MYO15B: variants seen among roughly 807,000 people sequenced by gnomAD.
MYO15B encodes the protein myosin XVB pseudogene.
In MYO15B, 207 loss-of-function variants were observed where a neutral mutation model predicts 119.3. That is an observed-to-expected ratio of 1.73 (90% CI 1.55 to 1.95). The LOEUF (loss-of-function observed/expected upper bound fraction) is 1.95. MYO15B is among the 30% of genes most tolerant of loss of function. MYO15B has a pLI of 0.00. For missense variants in MYO15B, 2,264 were observed against 1,203.1 expected (o/e 1.88, Z -13.04); for synonymous variants, 966 against 498.9 (o/e 1.94, Z -12.48).
intron 18 of MYO15B, 52 bp downstream of exon 18, chr17:75,603,129 TC>T: frequency 5.7e-6 from 4 of 702,714 alleles, no homozygotes. Context: ...TGCACCTCCC[TC>T]CCCACAGCTC....
At position 75,611,605 on chromosome 17, in the gene MYO15B, T is replaced by TG. The variant is rs1390157326; in HGVS notation, c.4455dup (p.Arg1486AlafsTer7). 3 of 702,606 alleles carry TG rather than the reference T, an allele frequency of 4.3e-6. No homozygotes were observed. The African/African-American group carries it at 5.2e-5, about 12-fold the overall frequency. 43.5% of individuals were successfully genotyped at this position (702,606 alleles called of 1,614,324 possible). A position where few individuals can be genotyped will look rare whatever the true frequency, so the allele number is the denominator to read the frequency against. On this transcript the variant is annotated frameshift_variant, in exon 24 of 64. Transcript: ENST00000645453. LOFTEE classifies it high-confidence loss of function. ...TAAATGAGTCCCCTCTGCCAGGAGC[T>TG]GGGGCGCTTGGAGATCCCGGCTGAG...
At position 75,618,260 on chromosome 17, in the gene MYO15B, G is replaced by A. The variant is rs1297209341; in HGVS notation, c.6987+75G>A. ...CTTCGTGCCCTTTGTCTAATGGCTG[G>A]GCCAGGTTAACACCACGTAGGGCAT... is the stretch of plus-strand genomic sequence containing the variant. On this transcript the variant is annotated intron_variant, in intron 43 of 63. Transcript: ENST00000645453. The A allele has an allele frequency of 7.2e-6, 5 of 697,672 alleles. No individual in the cohort carries two copies. In the Admixed American group the frequency reaches 1.0e-4, roughly 14 times the overall value. 43.2% of individuals were successfully genotyped at this position (697,672 alleles called of 1,614,324 possible). A position where few individuals can be genotyped will look rare whatever the true frequency, so the allele number is the denominator to read the frequency against.
In MYO15B at chr17:75,616,438, CAA is replaced by C. The variant is rs1347719889; in HGVS notation, c.6237_6238del (p.Arg2080SerfsTer27). The C allele has an allele frequency of 8.7e-5, 55 of 635,662 alleles. No individual in the cohort carries two copies. Among genetic ancestry groups the C allele is most frequent in the Admixed American group, 6.5e-4 (26 of 39,876 alleles). The allele number at this position is 635,662 out of a possible 1,614,324, so 39.4% of individuals were successfully genotyped here. A position where few individuals can be genotyped will look rare whatever the true frequency, so the allele number is the denominator to read the frequency against. On this transcript the variant is annotated frameshift_variant, in exon 38 of 64. Transcript: ENST00000645453. LOFTEE classifies it high-confidence loss of function. Reference sequence around the variant, plus strand: ...GAGCAGGAGGAGCAAGAAGTGGAAACAAGAGCAGGTTGTGGGGAGCTGGGCAG... The same window carrying C: ...GAGCAGGAGGAGCAAGAAGTGGAAACGAGCAGGTTGTGGGGAGCTGGGCAG...
At position 75,611,776 on chromosome 17, in the gene MYO15B, TG is replaced by T. The variant is rs1332094695; in HGVS notation, c.4505-107del. ...TCCAGACTCCCCTGAGCTCATCACT[TG>T]GGTCCCTGTGGACAGGGGCTGATGG... On this transcript the variant is annotated intron_variant, in intron 24 of 63. Coordinates refer to ENST00000645453, the Ensembl canonical transcript of MYO15B. The T allele has an allele frequency of 4.3e-6, 3 of 692,906 alleles. No homozygotes were observed. In the African/African-American group the frequency reaches 5.3e-5, roughly 12 times the overall value. 42.9% of individuals were successfully genotyped at this position (692,906 alleles called of 1,614,324 possible). A position where few individuals can be genotyped will look rare whatever the true frequency, so the allele number is the denominator to read the frequency against.
Position 75,625,189 on chromosome 17 carries a change from CTGGCCGCCCTGCAGCA to C in MYO15B, c.8756_8771del (p.Leu2919ProfsTer16). 1 of 702,610 alleles carries C rather than the reference CTGGCCGCCCTGCAGCA, an allele frequency of 1.4e-6. No individual in the cohort carries two copies. Among genetic ancestry groups the C allele is most frequent in the Non-Finnish European group, 2.6e-6 (1 of 384,762 alleles). 43.5% of individuals were successfully genotyped at this position (702,610 alleles called of 1,614,324 possible). A position where few individuals can be genotyped will look rare whatever the true frequency, so the allele number is the denominator to read the frequency against. On this transcript the variant is annotated frameshift_variant, in exon 60 of 64. Transcript: ENST00000645453. LOFTEE classifies it high-confidence loss of function. ...CAAGGCAGACGCGCAGCTCGCCAGG[CTGGCCGCCCTGCAGCA>C]CCTCAGCAAGGCCAACAGGAATACC...
intron 19 of MYO15B, among the ~76,000 whole-genome samples, chr17:75,604,369 G>A (rs927594745): frequency 6.6e-6 from 1 of 152,092 alleles, no homozygotes; most frequent in Non-Finnish European, 1.5e-5. Context: ...CACGGTGCTT[G>A]CTTGGTACAG....
At chr17:75,619,016 C>T (rs957122683) in intron 43 of MYO15B, 127 bp from the exon 44 acceptor site, 4 of 651,834 alleles carry the variant, frequency 6.1e-6, no homozygotes, top group African/African-American at 3.6e-5. Context: ...CTGCTGAGCA[C>T]ACAGGCCATG....
intron 15 of MYO15B, chr17:75,602,259 G>C: frequency 3.5e-6 from 2 of 579,292 alleles, no homozygotes; most frequent in South Asian, 3.9e-5. Flanking sequence ...TTCTTGTCTA[G>C]TCAACCTATT....
chr17:75,614,571 C>T lies in MYO15B; in HGVS notation c.5382-12C>T, dbSNP rs917077983. 16 of 700,468 alleles carry T rather than the reference C, an allele frequency of 2.3e-5. No individual in the cohort carries two copies. The highest frequency in any genetic ancestry group is 2.1e-4 in the East Asian group (8 of 37,288). The allele number at this position is 700,468 out of a possible 1,614,324, so 43.4% of individuals were successfully genotyped here. ...CTTGGCCACCCCCTTAGCTGGATCC[C>T]GTTTCCTGCAGAGCCGAGGCCATTC... On this transcript the variant is annotated splice_polypyrimidine_tract_variant and intron_variant, in intron 30 of 63. Transcript: ENST00000645453.
At chr17:75,609,355 T>G (rs2057858347) in intron 21 of MYO15B, among the ~76,000 whole-genome samples, 1 of 150,588 alleles carries the variant, frequency 6.6e-6, no homozygotes, top group Non-Finnish European at 1.5e-5. Flanking sequence ...AAATCTTTTT[T>G]GTAGAGATGA....
In MYO15B at chr17:75,609,177, A is replaced by G. The variant is rs1444795445; in HGVS notation, c.4293-989A>G. On this transcript the variant is annotated intron_variant, in intron 21 of 63. Transcript: ENST00000645453. ...CGGGTATGAGCCATTGCACCCGACC[A>G]GTGGTGTTACTTTTTAATAAGTTCT... Among the ~76,000 whole-genome samples, 3 of 150,806 alleles carry G rather than the reference A, an allele frequency of 2.0e-5. 1 individual carries two copies. The highest frequency in any genetic ancestry group is 7.3e-5 in the African/African-American group (3 of 41,010).
Position 75,625,824 on chromosome 17 carries a change from T to A in MYO15B, c.8939-20T>A. 1 of 702,382 alleles carries A rather than the reference T, an allele frequency of 1.4e-6. No individual in the cohort carries two copies. The highest frequency in any genetic ancestry group is 2.6e-6 in the Non-Finnish European group (1 of 384,982). 43.5% of individuals were successfully genotyped at this position (702,382 alleles called of 1,614,324 possible). A position where few individuals can be genotyped will look rare whatever the true frequency, so the allele number is the denominator to read the frequency against. On this transcript the variant is annotated intron_variant, in intron 61 of 63. Coordinates refer to ENST00000645453, the Ensembl canonical transcript of MYO15B. The stretch of plus-strand genomic sequence containing the variant: ...GGCCCCAGCAGTCAGATTTCCTGCC[T>A]GCACCCTCTCCACCCGCAGAGGCCA...
At position 75,597,468 on chromosome 17, in the gene MYO15B, G is replaced by A. The variant is rs575753245; in HGVS notation, c.3525+569G>A. Among the ~76,000 whole-genome samples, 16 of 152,354 alleles carry A rather than the reference G, an allele frequency of 1.1e-4. No homozygotes were observed. The East Asian group carries it at 1.9e-3, about 18-fold the overall frequency. On this transcript the variant is annotated intron_variant, in intron 14 of 63. Coordinates refer to ENST00000645453, the Ensembl canonical transcript of MYO15B. ...CTGGGCTCCACAAGGGCGGGTGCCC[G>A]TGTGAAGGGTTTGAGCTCTATCTGC...
rs372936580 is a variant in MYO15B, at chr17:75,626,258, G to A, written c.9213+30G>A. On this transcript the variant is annotated intron_variant, in intron 63 of 63. Transcript: ENST00000645453. ...GTGGCCAGGCCTCTGGCCACCTTGC[G>A]AAGGTGGATGTGAGGGCCTTGCCCC... 1.8e-3 allele frequency: 1,237 copies of A among 701,390 alleles called. 11 individuals carry two copies. The African/African-American group carries it at 0.019, about 11-fold the overall frequency. 43.4% of individuals were successfully genotyped at this position (701,390 alleles called of 1,614,324 possible). A position where few individuals can be genotyped will look rare whatever the true frequency, so the allele number is the denominator to read the frequency against.
exon 6 of MYO15B, chr17:75,592,056 A>G (rs1278091615): frequency 4.3e-6 from 3 of 702,874 alleles, no homozygotes; most frequent in Non-Finnish European, 5.2e-6. Context: ...CGCTTCGGCC[A>G]GGTCTTCTGC....
intron 46 of MYO15B, 39 bp downstream of exon 46, chr17:75,619,838 G>C: frequency 1.4e-6 from 1 of 702,234 alleles, no homozygotes; most frequent in Non-Finnish European, 2.6e-6. Context: ...GGTGGGGGCA[G>C]GTGGCAAGGT....
chr17:75,590,720 C>T lies in MYO15B; in HGVS notation c.2250+31C>T, dbSNP rs554901214. 1.7e-3 allele frequency: 314 copies of T among 184,484 alleles called. 8 individuals are homozygous for T. The South Asian group carries it at 0.038, about 22-fold the overall frequency. The allele number at this position is 184,484 out of a possible 1,614,324, so 11.4% of individuals were successfully genotyped here. ...GGGAGCCACGGGGACGGACAGTGGG[C>T]GGGGATCCCCTTTTCTCTGGGGACA... On this transcript the variant is annotated intron_variant, in intron 2 of 63. Coordinates refer to ENST00000645453, the Ensembl canonical transcript of MYO15B.
chr17:75,623,851 G>C, exon 54 of MYO15B: 4 of 613,530 alleles, frequency 6.5e-6, no homozygotes, highest in Non-Finnish European at 1.1e-5. Flanking sequence ...GGACACCCCC[G>C]GCCGTGAGTG....
chr17:75,588,058 A>G (rs758603498), exon 1 of MYO15B: 1 of 398,414 alleles, frequency 2.5e-6, no homozygotes, highest in Non-Finnish European at 4.4e-6. Flanking sequence ...TGGGCCAGCC[A>G]TGGGCAGGAA....
Sources: gnomAD v4.1 joint callset for allele counts (sites outside exome capture counted in the v4.1 genomes callset) on GRCh38, gnomAD v4.1.1 for gene constraint, MANE v1.5 for transcripts, NCBI Gene and HGNC (gene_info 2026-07-23, HGNC 2026-07-21) for gene names.